The following SEMA5A variants were observed in gnomAD, a reference collection of about 807,000 sequenced individuals.
SEMA5A encodes the protein semaphorin 5A.
Under a neutral mutation model 135.5 loss-of-function variants are expected in SEMA5A, and 55 were observed. The ratio of observed to expected loss-of-function variants is 0.41; its 90% confidence interval spans 0.33 to 0.51. The LOEUF is 0.51. SEMA5A is among the 20% of genes least tolerant of loss of function. The pLI, the probability that SEMA5A is intolerant of heterozygous loss-of-function variation, is 0.37. For missense variants in SEMA5A, 1,290 were observed against 1,419.9 expected, an observed-to-expected ratio of 0.91 and a Z score of 1.47; for synonymous variants, 580 against 546.5, an observed-to-expected ratio of 1.06 and a Z score of -0.85.
At chr5:9,400,201 T>A (rs937322928) in intron 2 of SEMA5A, among the ~76,000 whole-genome samples, 4 of 152,194 alleles carry the variant, frequency 2.6e-5, no homozygotes, top group East Asian at 3.9e-4. Flanking sequence ...GACAAATACC[T>A]AATGCATGTA....
At chr5:9,481,104 G>A (rs1432266104) in intron 1 of SEMA5A, among the ~76,000 whole-genome samples, 4 of 151,832 alleles carry the variant, frequency 2.6e-5, no homozygotes, top group South Asian at 2.1e-4. Context: ...TAACTACCAC[G>A]CCCAGCTAAT....
intron 21 of SEMA5A, among the ~76,000 whole-genome samples, chr5:9,044,806 T>C (rs771498975): frequency 6.6e-6 from 1 of 152,032 alleles, no homozygotes; most frequent in Non-Finnish European, 1.5e-5. Context: ...TTATTTGAAA[T>C]GGAGTTTTAC....
intron 16 of SEMA5A, among the ~76,000 whole-genome samples, chr5:9,074,462 C>A (rs1737935749): frequency 6.6e-6 from 1 of 151,890 alleles, no homozygotes; most frequent in Admixed American, 6.6e-5. Context: ...ACCAAAAGCA[C>A]CATCCATAAA....
intron 1 of SEMA5A, among the ~76,000 whole-genome samples, chr5:9,526,686 C>T (rs757481028): frequency 1.2e-4 from 18 of 152,190 alleles, no homozygotes; most frequent in Admixed American, 2.6e-4. Flanking sequence ...TGTACATTCA[C>T]GTCCCCTAGT....
intron 1 of SEMA5A, chr5:9,519,991 T>C (rs927335536): frequency 6.6e-6 from 1 of 152,090 alleles, no homozygotes; most frequent in African/African-American, 2.4e-5. Context: ...AAGTGAAAAA[T>C]GGAGTGTCAT....
At chr5:9,470,967 A>AT (rs911886592) in intron 1 of SEMA5A, among the ~76,000 whole-genome samples, 4 of 152,154 alleles carry the variant, frequency 2.6e-5, no homozygotes, top group African/African-American at 9.7e-5. Context: ...GATCCTAGTT[A>AT]TTTTTTATCA....
chr5:9,104,429 A>G (rs1463608683), intron 16 of SEMA5A, among the ~76,000 whole-genome samples: 1 of 152,234 alleles, frequency 6.6e-6, no homozygotes, highest in Non-Finnish European at 1.5e-5. Flanking sequence ...ATCACCTAGT[A>G]AGTTGGGATT....
At chr5:9,387,569 A>G (rs1755951670) in intron 2 of SEMA5A, among the ~76,000 whole-genome samples, 2 of 152,218 alleles carry the variant, frequency 1.3e-5, no homozygotes, top group African/African-American at 4.8e-5. Context: ...GTTCAATGAA[A>G]CAGGAATAAA....
intron 1 of SEMA5A, among the ~76,000 whole-genome samples, chr5:9,466,602 G>A (rs1157960278): frequency 6.6e-6 from 1 of 152,308 alleles, no homozygotes; most frequent in Middle Eastern, 3.4e-3. Flanking sequence ...AACTAGATTC[G>A]TGTATTTACA....
chr5:9,498,967 A>C (rs907347680), intron 1 of SEMA5A, among the ~76,000 whole-genome samples: 5 of 152,232 alleles, frequency 3.3e-5, no homozygotes, highest in Admixed American at 6.5e-5. Context: ...GGCAAGCTAT[A>C]AGGAACGTAA....
chr5:9,176,148 C>A (rs529097123), intron 11 of SEMA5A, among the ~76,000 whole-genome samples: 1 of 152,108 alleles, frequency 6.6e-6, no homozygotes. Context: ...CTTGGATGAG[C>A]CTGACTTAAT....
chr5:9,470,917 T>G (rs1429682759), intron 1 of SEMA5A, among the ~76,000 whole-genome samples: 2 of 152,224 alleles, frequency 1.3e-5, no homozygotes, highest in South Asian at 2.1e-4. Flanking sequence ...GATTTTAATA[T>G]GAGTAGCTTA....
intron 1 of SEMA5A, among the ~76,000 whole-genome samples, chr5:9,486,666 A>T (rs1036724812): frequency 6.6e-6 from 1 of 152,120 alleles, no homozygotes; most frequent in Non-Finnish European, 1.5e-5. Flanking sequence ...GAAGAAACAG[A>T]AATAGAAATG....
At chr5:9,187,067 G>T (rs1373055368) in intron 11 of SEMA5A, among the ~76,000 whole-genome samples, 2 of 151,838 alleles carry the variant, frequency 1.3e-5, no homozygotes, top group Non-Finnish European at 2.9e-5. Context: ...AAAAACATCA[G>T]CTTTTTGAAT....
intron 1 of SEMA5A, among the ~76,000 whole-genome samples, chr5:9,461,891 A>T (rs1380406054): frequency 6.6e-6 from 1 of 152,192 alleles, no homozygotes; most frequent in East Asian, 1.9e-4. Context: ...GTTACCTAGG[A>T]GGGGACTTCC....
intron 13 of SEMA5A, among the ~76,000 whole-genome samples, chr5:9,133,598 A>C (rs536347233): frequency 1.1e-3 from 162 of 152,276 alleles, no homozygotes; most frequent in Non-Finnish European, 1.9e-3. Flanking sequence ...TTTTGAAAGC[A>C]GAGATGGTAG....
rs1445858417 is a variant in SEMA5A at position 9,328,127 on chromosome 5, C to T, written c.224+9586G>A. On this transcript the variant is annotated intron_variant, in intron 4 of 22. Coordinates refer to ENST00000382496, the MANE Select transcript of SEMA5A (RefSeq NM_003966.3). Reference sequence around the variant, plus strand: ...CTATCCCAGTCACACTCCCAAAACTCACTGAATGGTTTGATGCTTCCCACC... The same window carrying T: ...CTATCCCAGTCACACTCCCAAAACTTACTGAATGGTTTGATGCTTCCCACC... Among the ~76,000 whole-genome samples the T allele has an allele frequency of 2.6e-5, 4 of 152,312 alleles. No homozygotes were observed. The East Asian group carries it at 7.7e-4, about 29-fold the overall frequency.
intron 3 of SEMA5A, among the ~76,000 whole-genome samples, chr5:9,341,414 A>G (rs1753647680): frequency 6.6e-6 from 1 of 152,050 alleles, no homozygotes. Context: ...TAGAAGATCT[A>G]AAAGAGTTCA....
At chr5:9,245,946 C>A (rs750119673) in intron 5 of SEMA5A, among the ~76,000 whole-genome samples, 7 of 151,884 alleles carry the variant, frequency 4.6e-5, no homozygotes, top group Admixed American at 4.6e-4. Flanking sequence ...CTCCTGAACA[C>A]GAATGAACCC....
Sources: allele counts gnomAD v4.1 joint callset (sites outside exome capture counted in the v4.1 genomes callset), GRCh38; gene constraint gnomAD v4.1.1; transcripts MANE v1.5; gene names NCBI Gene and HGNC (gene_info 2026-07-23, HGNC 2026-07-21).